Variants in PGGT1B observed in about 807,000 individuals in gnomAD.
PGGT1B encodes geranylgeranyl transferase type-1 subunit beta.
PGGT1B carries 30 observed loss-of-function variants against 46.1 expected under a neutral mutation model. That is an observed-to-expected ratio of 0.65 (90% confidence interval 0.49 to 0.88). PGGT1B has a LOEUF of 0.88. PGGT1B is among the 40% of genes least tolerant of loss of function. PGGT1B has a pLI of 0.00. For missense variants in PGGT1B, 376 were observed against 455.9 expected (o/e 0.82, Z 1.60); for synonymous variants, 170 against 160.0 (o/e 1.06, Z -0.47).
intron 5 of PGGT1B, among the ~76,000 whole-genome samples, chr5:115,231,379 T>C (rs1180831155): frequency 2.0e-5 from 3 of 152,132 alleles, no homozygotes; most frequent in Admixed American, 6.6e-5. Flanking sequence ...TTCATACTGA[T>C]AGAACATTAT....
intron 4 of PGGT1B, 47 bp downstream of exon 4, chr5:115,237,807 TCCAA>T: frequency 6.6e-7 from 1 of 1,506,418 alleles, no homozygotes. Flanking sequence ...ATTTTTTAGT[TCCAA>T]TATATTTTTG....
intron 5 of PGGT1B, among the ~76,000 whole-genome samples, chr5:115,233,802 T>C (rs940976941): frequency 5.3e-5 from 8 of 152,036 alleles, no homozygotes; most frequent in African/African-American, 1.9e-4. Flanking sequence ...TTTTTATTGG[T>C]GAGGCTATGT....
At chr5:115,252,134 T>A (rs756313522) in intron 2 of PGGT1B, among the ~76,000 whole-genome samples, 5 of 152,118 alleles carry the variant, frequency 3.3e-5, no homozygotes, top group African/African-American at 9.6e-5. Flanking sequence ...TCTGTAACTA[T>A]TGACCAAACT....
rs542377491 is a variant in PGGT1B, at chr5:115,243,798, C to A, written c.260-2192G>T. ...TTCCTTGCAGTTGTGTGACTGAGTTCTCCATTTCTTTGCTGGTAGGTATCC... is the reference window on the plus strand; with the variant it reads ...TTCCTTGCAGTTGTGTGACTGAGTTATCCATTTCTTTGCTGGTAGGTATCC... On this transcript the variant is annotated intron_variant, in intron 2 of 8. Transcript: ENST00000419445. Among the ~76,000 whole-genome samples the A allele has an allele frequency of 2.0e-5, 3 of 152,230 alleles. No homozygotes were observed. The South Asian group carries it at 6.2e-4, about 32-fold the overall frequency.
rs1344400779 is a variant in PGGT1B at position 115,209,965 on chromosome 5, T to C, written c.*2437A>G. ...CCAGAGCACCTCCTCATTAACTGTCTCTCAAAAATGATCAGGTCCAACAGT... is the reference window on the plus strand; with the variant it reads ...CCAGAGCACCTCCTCATTAACTGTCCCTCAAAAATGATCAGGTCCAACAGT... On this transcript the variant is annotated 3_prime_UTR_variant, in exon 9 of 9. Coordinates refer to ENST00000419445, the MANE Select transcript of PGGT1B (RefSeq NM_005023.4). The C allele has an allele frequency of 6.6e-6, 1 of 152,040 alleles. No individual in the cohort carries two copies. The highest frequency in any genetic ancestry group is 2.4e-5 in the African/African-American group (1 of 41,422). The allele number at this position is 152,040 out of a possible 1,614,324, so 9.4% of individuals were successfully genotyped here.
At chr5:115,245,615 T>TA (rs1242889710) in intron 2 of PGGT1B, among the ~76,000 whole-genome samples, 105 of 152,332 alleles carry the variant, frequency 6.9e-4, no homozygotes, top group African/African-American at 2.4e-3. Flanking sequence ...TAATAAACAG[T>TA]AACCATTCAA....
intron 1 of PGGT1B, among the ~76,000 whole-genome samples, chr5:115,254,914 T>C (rs1262268043): frequency 6.6e-6 from 1 of 152,130 alleles, no homozygotes; most frequent in Admixed American, 6.6e-5. Flanking sequence ...AGATCAGGAT[T>C]ATATTAAGGG....
intron 5 of PGGT1B, among the ~76,000 whole-genome samples, chr5:115,233,588 G>T (rs1157674196): frequency 6.6e-6 from 1 of 150,922 alleles, no homozygotes; most frequent in Non-Finnish European, 1.5e-5. Flanking sequence ...CTAGAACTAG[G>T]GGTCAGCAAT....
intron 5 of PGGT1B, among the ~76,000 whole-genome samples, chr5:115,234,529 T>A (rs1049627283): frequency 7.9e-5 from 12 of 151,930 alleles, no homozygotes; most frequent in African/African-American, 2.4e-4. Context: ...AGGAGAGAGC[T>A]AAGTGAAGGA....
At chr5:115,252,301 C>G (rs1449865186) in intron 2 of PGGT1B, among the ~76,000 whole-genome samples, 1 of 151,928 alleles carries the variant, frequency 6.6e-6, no homozygotes, top group African/African-American at 2.4e-5. Flanking sequence ...CTATGAACTT[C>G]AAGAATAAAA....
At chr5:115,221,725 C>A (rs1218325557) in intron 7 of PGGT1B, 99 bp downstream of exon 7, 1 of 652,082 alleles carries the variant, frequency 1.5e-6, no homozygotes, top group Admixed American at 3.4e-5. Flanking sequence ...GTAGCCTAAA[C>A]CTAACAATAT....
At chr5:115,221,775 C>T (rs767783911) in intron 7 of PGGT1B, 49 bp downstream of exon 7, 5 of 1,173,746 alleles carry the variant, frequency 4.3e-6, no homozygotes, top group Non-Finnish European at 4.8e-6. Context: ...TTAGCACAAT[C>T]TATATGAACA....
chr5:115,244,881 C>T (rs978759249), intron 2 of PGGT1B, among the ~76,000 whole-genome samples: 5 of 152,114 alleles, frequency 3.3e-5, no homozygotes, highest in African/African-American at 1.2e-4. Context: ...AGGAGCCCAC[C>T]GCACCCAGCC....
Position 115,208,080 on chromosome 5 carries a change from T to C in PGGT1B, c.*4322A>G, listed in dbSNP as rs1756115691. Reference sequence around the variant, plus strand: ...TCTTACAATAAACCCAACTTAGTCATGATTACCTTTTGAAAGTGCTGTTGG... The same window carrying C: ...TCTTACAATAAACCCAACTTAGTCACGATTACCTTTTGAAAGTGCTGTTGG... On this transcript the variant is annotated 3_prime_UTR_variant, in exon 9 of 9. Coordinates refer to ENST00000419445, the MANE Select transcript of PGGT1B (RefSeq NM_005023.4). 1 of 152,036 alleles carries C rather than the reference T, an allele frequency of 6.6e-6. No individual in the cohort carries two copies. The highest frequency in any genetic ancestry group is 2.4e-5 in the African/African-American group (1 of 41,440). 9.4% of individuals were successfully genotyped at this position (152,036 alleles called of 1,614,324 possible).
rs186493636 is a variant in PGGT1B at position 115,204,265 on chromosome 5, C to G, written c.*8137G>C. On this transcript the variant is annotated 3_prime_UTR_variant, in exon 9 of 9. Coordinates refer to ENST00000419445, the MANE Select transcript of PGGT1B (RefSeq NM_005023.4). Reference sequence around the variant, plus strand: ...AACCACTTGGAGGGCTTGTTTAAAACACAAATGTCTAACCCTACCCCCAGA... The same window carrying G: ...AACCACTTGGAGGGCTTGTTTAAAAGACAAATGTCTAACCCTACCCCCAGA... 6.6e-6 allele frequency: 1 copy of G among 152,254 alleles called. No homozygotes were observed. Among genetic ancestry groups the G allele is most frequent in the Admixed American group, 6.5e-5 (1 of 15,282 alleles). The allele number at this position is 152,254 out of a possible 1,614,324, so 9.4% of individuals were successfully genotyped here.
At chr5:115,248,615 A>G (rs927304329) in intron 2 of PGGT1B, among the ~76,000 whole-genome samples, 1 of 152,162 alleles carries the variant, frequency 6.6e-6, no homozygotes, top group African/African-American at 2.4e-5. Flanking sequence ...GGTCTTTATA[A>G]TCCTGGAGTT....
chr5:115,232,334 C>T (rs1757017039), intron 5 of PGGT1B, among the ~76,000 whole-genome samples: 1 of 151,908 alleles, frequency 6.6e-6, no homozygotes, highest in Non-Finnish European at 1.5e-5. Flanking sequence ...AAAAACTTCA[C>T]ATAAAAGGAA....
At chr5:115,230,231 C>A (rs1226063320) in intron 6 of PGGT1B, among the ~76,000 whole-genome samples, 2 of 151,740 alleles carry the variant, frequency 1.3e-5, no homozygotes, top group African/African-American at 4.8e-5. Flanking sequence ...GAACACTGAT[C>A]TGTTCTTTCT....
chr5:115,258,090 C>G (rs1748399391), intron 1 of PGGT1B, among the ~76,000 whole-genome samples: 1 of 152,096 alleles, frequency 6.6e-6, no homozygotes, highest in African/African-American at 2.4e-5. Flanking sequence ...AGTTTTTCTA[C>G]TATCATACTT....
Sources: gnomAD v4.1 joint callset for allele counts (sites outside exome capture counted in the v4.1 genomes callset) on GRCh38, gnomAD v4.1.1 for gene constraint, MANE v1.5 for transcripts, NCBI Gene and HGNC (gene_info 2026-07-23, HGNC 2026-07-21) for gene names.